SPIC: variants seen among roughly 807,000 people sequenced by gnomAD.
SPIC encodes transcription factor Spi-C.
In SPIC, 9 loss-of-function variants were observed where a neutral mutation model predicts 16.7. The ratio of observed to expected loss-of-function variants is 0.54; its 90% confidence interval spans 0.33 to 0.94. SPIC has a LOEUF of 0.94. SPIC is among the 40% of genes least tolerant of loss of function. The pLI, the probability that SPIC is intolerant of heterozygous loss-of-function variation, is 0.03. For missense variants in SPIC, 241 were observed against 285.8 expected, an observed-to-expected ratio of 0.84 and a Z score of 1.13; for synonymous variants, 97 against 102.9, an observed-to-expected ratio of 0.94 and a Z score of 0.35.
Position 101,483,181 on chromosome 12 carries a change from C to T in SPIC, c.319+281C>T, listed in dbSNP as rs144273694. 3.0e-4 allele frequency among the ~76,000 whole-genome samples: 45 copies of T among 149,534 alleles called. No individual in the cohort carries two copies. In the East Asian group the frequency reaches 4.5e-3, roughly 15 times the overall value. ...CAAGCCATCCAAAGTGCTGGGATTA[C>T]AGGTGTGAGCCACCACACCCAGCCT... is the stretch of plus-strand genomic sequence containing the variant. On this transcript the variant is annotated intron_variant, in intron 5 of 5. Coordinates refer to ENST00000551346, the MANE Select transcript of SPIC (RefSeq NM_152323.3).
chr12:101,485,218 A>G (rs1873330649), intron 5 of SPIC, among the ~76,000 whole-genome samples: 1 of 152,198 alleles, frequency 6.6e-6, no homozygotes, highest in African/African-American at 2.4e-5. Flanking sequence ...TTTGGCTGCA[A>G]ATTTTTTAGC....
chr12:101,486,464 A>C lies in SPIC; in HGVS notation c.440A>C (p.Lys147Thr), dbSNP rs1263522228. ...ATCTTTCAGTTTGTATCAAAAAACA[A>C]AGAAAAACTTGCCGAGCTTTGGGGG... ...KGIFQFVSKNKEKLAELWGKR... is the reference protein window; with the variant it reads ...KGIFQFVSKNTEKLAELWGKR... The change falls in exon 6 of 6, where the codon AAA (lysine) becomes ACA (threonine). Residue 147 changes from lysine (K) to threonine (T), a missense_variant. Coordinates refer to ENST00000551346, the MANE Select transcript of SPIC (RefSeq NM_152323.3). 1 of 1,614,100 alleles carries C rather than the reference A, an allele frequency of 6.2e-7. No individual in the cohort carries two copies. Among genetic ancestry groups the C allele is most frequent in the Non-Finnish European group, 8.5e-7 (1 of 1,180,046 alleles).
intron 4 of SPIC, 136 bp from the exon 5 acceptor site, chr12:101,482,656 T>C (rs1873241222): frequency 4.1e-6 from 3 of 738,532 alleles, no homozygotes; most frequent in Non-Finnish European, 6.9e-6. Context: ...GGGAGCTATC[T>C]GGCTGCAGTT....
rs1565830477 is a variant in SPIC, at chr12:101,477,764, C to T, written c.97+113C>T. On this transcript the variant is annotated intron_variant, in intron 3 of 5. Transcript: ENST00000551346. ...AGGTGCTGTGGCTCACATCTGTAATCCCAGCACTTTGGGAGGCCAAGGTGG... is the reference window on the plus strand; with the variant it reads ...AGGTGCTGTGGCTCACATCTGTAATTCCAGCACTTTGGGAGGCCAAGGTGG... The T allele has an allele frequency of 7.3e-6, 7 of 960,946 alleles. No homozygotes were observed. The East Asian group carries it at 1.3e-4, about 18-fold the overall frequency. 59.5% of individuals were successfully genotyped at this position (960,946 alleles called of 1,614,324 possible).
intron 3 of SPIC, among the ~76,000 whole-genome samples, chr12:101,478,835 A>C (rs1250793906): frequency 1.3e-5 from 2 of 152,124 alleles, no homozygotes; most frequent in African/African-American, 4.8e-5. Flanking sequence ...AGGGTGTTCC[A>C]AGATAAGAGA....
intron 3 of SPIC, among the ~76,000 whole-genome samples, chr12:101,479,223 G>GAAAGAAAGAAAAA (rs1873076726): frequency 2.4e-5 from 1 of 42,448 alleles, no homozygotes. Context: ...AAAGAAAGAA[G>GAAAGAAAGAAAAA]GAAAGAAAGA....
At position 101,479,261 on chromosome 12, in the gene SPIC, G is replaced by GGAAA. The variant is rs200103864; in HGVS notation, c.98-300_98-297dup. On this transcript the variant is annotated intron_variant, in intron 3 of 5. Transcript: ENST00000551346. ...GAAAGAAAAAGAAAGAAAGAAGGAA[G>GGAAA]GAAAGAAAGAAAGAAAGAAAGAAAA... Among the ~76,000 whole-genome samples the GGAAA allele has an allele frequency of 2.7e-3, 128 of 46,910 alleles. 3 individuals are homozygous for GGAAA. The East Asian group carries it at 0.041, about 15-fold the overall frequency. The allele number at this position is 46,910 out of a possible 152,430, so 30.8% of individuals were successfully genotyped here. A position where few individuals can be genotyped will look rare whatever the true frequency, so the allele number is the denominator to read the frequency against.
At chr12:101,479,787 C>A in intron 4 of SPIC, 93 bp downstream of exon 4, 28 of 803,598 alleles carry the variant, frequency 3.5e-5, no homozygotes, top group South Asian at 5.7e-5. Context: ...AGCTTAAAGA[C>A]AGCATTGACT....
Position 101,486,811 on chromosome 12 carries a change from C to A in SPIC, c.*40C>A. 1 of 1,448,304 alleles carries A rather than the reference C, an allele frequency of 6.9e-7. No individual in the cohort carries two copies. The highest frequency in any genetic ancestry group is 1.5e-5 in the South Asian group (1 of 66,946). The allele number at this position is 1,448,304 out of a possible 1,614,324, so 89.7% of individuals were successfully genotyped here. A position where few individuals can be genotyped will look rare whatever the true frequency, so the allele number is the denominator to read the frequency against. On this transcript the variant is annotated 3_prime_UTR_variant, in exon 6 of 6. Coordinates refer to ENST00000551346, the MANE Select transcript of SPIC (RefSeq NM_152323.3). ...TTCATGGTTTACTGGCATCGGAAAT[C>A]TCTACAAGTTTTAATGATTTCTCCC...
At chr12:101,478,036 T>C (rs1399850014) in intron 3 of SPIC, among the ~76,000 whole-genome samples, 2 of 148,750 alleles carry the variant, frequency 1.3e-5, no homozygotes, top group Non-Finnish European at 1.5e-5. Flanking sequence ...CTTTTTTCTT[T>C]TTTTTTTTTT....
At chr12:101,477,447 A>G in intron 2 of SPIC, 111 bp from the exon 3 acceptor site, 1 of 976,074 alleles carries the variant, frequency 1.0e-6, no homozygotes, top group South Asian at 1.5e-5. Flanking sequence ...CCAAATGCCC[A>G]TAGTGTCAAG....
Position 101,481,572 on chromosome 12 carries a change from T to G in SPIC, c.211-1220T>G, listed in dbSNP as rs533773864. ...TCACCCAGGCTGGAGTGCAATAGTG[T>G]GATCTCGGCTCACTGCATCCTCCGC... On this transcript the variant is annotated intron_variant, in intron 4 of 5. Coordinates refer to ENST00000551346, the MANE Select transcript of SPIC (RefSeq NM_152323.3). 1.4e-4 allele frequency among the ~76,000 whole-genome samples: 21 copies of G among 147,418 alleles called. 1 individual carries two copies. The South Asian group carries it at 4.6e-3, about 32-fold the overall frequency.
chr12:101,481,470 A>G (rs1277456428), intron 4 of SPIC, among the ~76,000 whole-genome samples: 3 of 151,350 alleles, frequency 2.0e-5, no homozygotes, highest in Admixed American at 6.6e-5. Flanking sequence ...CGGCCTCCCA[A>G]GTAGGTGGGA....
At chr12:101,477,162 ACT>A (rs980176702) in intron 2 of SPIC, among the ~76,000 whole-genome samples, 3 of 151,882 alleles carry the variant, frequency 2.0e-5, no homozygotes, top group African/African-American at 7.3e-5. Context: ...TTTCTAAATC[ACT>A]CTCCTCTGCT....
At chr12:101,482,946 TC>T (rs1873254842) in intron 5 of SPIC, 46 bp downstream of exon 5, 1 of 1,497,864 alleles carries the variant, frequency 6.7e-7, no homozygotes, top group Non-Finnish European at 9.2e-7. Context: ...AACCAGATCT[TC>T]CTCATAGCTG....
At chr12:101,479,341 AAG>A (rs1205141250) in intron 3 of SPIC, among the ~76,000 whole-genome samples, 3 of 150,530 alleles carry the variant, frequency 2.0e-5, no homozygotes, top group Admixed American at 6.6e-5. Flanking sequence ...GAAAGAAAGA[AAG>A]AAAGAAAGAA....
intron 2 of SPIC, among the ~76,000 whole-genome samples, chr12:101,477,119 C>G (rs555942345): frequency 2.0e-5 from 3 of 152,152 alleles, no homozygotes; most frequent in Non-Finnish European, 4.4e-5. Context: ...TTCATAGGTT[C>G]TGTTTCATTG....
At chr12:101,479,822 T>C (rs1247212994) in intron 4 of SPIC, 128 bp downstream of exon 4, 10 of 556,184 alleles carry the variant, frequency 1.8e-5, no homozygotes, top group African/African-American at 5.9e-5. Flanking sequence ...TTCTTTCTTT[T>C]TTTTTTTTTT....
chr12:101,477,179 A>G (rs1872983249), intron 2 of SPIC, among the ~76,000 whole-genome samples: 1 of 152,170 alleles, frequency 6.6e-6, no homozygotes, highest in South Asian at 2.1e-4. Context: ...TCTGCTCTAC[A>G]ACTCCTTGCT....
Sources: gnomAD v4.1 joint callset for allele counts (sites outside exome capture counted in the v4.1 genomes callset) on GRCh38, gnomAD v4.1.1 for gene constraint, MANE v1.5 for transcripts, NCBI Gene and HGNC (gene_info 2026-07-23, HGNC 2026-07-21) for gene names.